Variants in CALD1 observed in about 807,000 individuals in gnomAD.
The protein encoded by CALD1 is caldesmon.
Under a neutral mutation model 99.9 loss-of-function variants are expected in CALD1, and 33 were observed. The ratio of observed to expected loss-of-function variants is 0.33; its 90% confidence interval spans 0.25 to 0.44. The LOEUF (loss-of-function observed/expected upper bound fraction) is 0.44. Among genes scored for constraint, CALD1 ranks in the 20% least tolerant of loss-of-function variants. The pLI is 1.00. For synonymous variants in CALD1, 310 were observed against 325.0 expected (o/e 0.95, Z 0.50); for missense variants, 861 against 962.1 (o/e 0.89, Z 1.39).
intron 6 of CALD1, among the ~76,000 whole-genome samples, chr7:134,938,023 C>A (rs147645161): frequency 2.6e-5 from 4 of 152,162 alleles, no homozygotes; most frequent in Admixed American, 6.5e-5. Context: ...TCGTGTCATG[C>A]GGATCAATCC....
intron 1 of CALD1, among the ~76,000 whole-genome samples, chr7:134,840,500 A>G (rs932167844): frequency 6.6e-6 from 1 of 152,194 alleles, no homozygotes; most frequent in Non-Finnish European, 1.5e-5. Flanking sequence ...TATTATCCAG[A>G]GTTTCTAGTT....
intron 1 of CALD1, among the ~76,000 whole-genome samples, chr7:134,773,302 T>C (rs1796890898): frequency 6.6e-6 from 1 of 150,874 alleles, no homozygotes; most frequent in African/African-American, 2.4e-5. Flanking sequence ...CAGGACAAGA[T>C]CTACCTCTGT....
chr7:134,764,273 TC>T (rs1230268698), intron 1 of CALD1, among the ~76,000 whole-genome samples: 1 of 152,212 alleles, frequency 6.6e-6, no homozygotes, highest in Admixed American at 6.5e-5. Flanking sequence ...CAGATTTGGT[TC>T]TGGGTTTGTG....
intron 3 of CALD1, among the ~76,000 whole-genome samples, chr7:134,918,492 C>T (rs1376555797): frequency 6.6e-6 from 1 of 152,136 alleles, no homozygotes; most frequent in Non-Finnish European, 1.5e-5. Flanking sequence ...GAAAAATATG[C>T]TGTTTAGGGA....
Position 134,751,797 on chromosome 7 carries a change from G to A in CALD1, c.-130+7434G>A, listed in dbSNP as rs138304909. 8.9e-4 allele frequency among the ~76,000 whole-genome samples: 136 copies of A among 152,212 alleles called. No individual in the cohort carries two copies. The East Asian group carries it at 0.022, about 25-fold the overall frequency. On this transcript the variant is annotated intron_variant, in intron 1 of 13. Coordinates refer to the CALD1 transcript ENST00000417172. ...TTGAGACAAGCCTGGGCAACATGGCGAAACCCTATCTCTACCAAAAATACA... is the reference window on the plus strand; with the variant it reads ...TTGAGACAAGCCTGGGCAACATGGCAAAACCCTATCTCTACCAAAAATACA...
At chr7:134,822,852 A>G (rs1798836470) in intron 1 of CALD1, among the ~76,000 whole-genome samples, 1 of 152,140 alleles carries the variant, frequency 6.6e-6, no homozygotes, top group South Asian at 2.1e-4. Context: ...AGTTGCCTCT[A>G]TCTCCCTGGC....
At chr7:134,936,538 G>GT (rs1005518777) in intron 6 of CALD1, among the ~76,000 whole-genome samples, 2 of 152,226 alleles carry the variant, frequency 1.3e-5, no homozygotes, top group Non-Finnish European at 2.9e-5. Context: ...GAAGTAGGAA[G>GT]ACCCGAAGTT....
At chr7:134,927,346 G>A (rs769267843) in intron 3 of CALD1, among the ~76,000 whole-genome samples, 4 of 151,550 alleles carry the variant, frequency 2.6e-5, no homozygotes, top group South Asian at 2.1e-4. Flanking sequence ...TCAGGAGCTC[G>A]AGACCATCCT....
intron 14 of CALD1, 107 bp downstream of exon 14, chr7:134,965,493 G>A (rs1046352607): frequency 5.6e-6 from 4 of 710,100 alleles, no homozygotes; most frequent in Non-Finnish European, 1.0e-5. Context: ...ACAGATCTTT[G>A]CCTGCACACC....
At chr7:134,812,033 G>A (rs1480912677) in intron 1 of CALD1, among the ~76,000 whole-genome samples, 2 of 152,098 alleles carry the variant, frequency 1.3e-5, no homozygotes, top group Admixed American at 6.6e-5. Flanking sequence ...ATATCCACTC[G>A]GCATCTTGGC....
chr7:134,941,864 C>G (rs1176827474), intron 7 of CALD1, among the ~76,000 whole-genome samples: 1 of 152,114 alleles, frequency 6.6e-6, no homozygotes, highest in Non-Finnish European at 1.5e-5. Context: ...ATAGCTTGAG[C>G]TTTCCCCTCA....
At chr7:134,889,548 G>A (rs903778205) in intron 3 of CALD1, among the ~76,000 whole-genome samples, 3 of 152,290 alleles carry the variant, frequency 2.0e-5, no homozygotes, top group African/African-American at 4.8e-5. Context: ...TGCGGGAAAC[G>A]TTATTCCACC....
intron 2 of CALD1, among the ~76,000 whole-genome samples, chr7:134,865,485 T>C (rs565895526): frequency 1.1e-4 from 17 of 152,118 alleles, no homozygotes; most frequent in African/African-American, 4.1e-4. Flanking sequence ...TGGCACACGC[T>C]CTCTCTCTCC....
At chr7:134,868,056 C>A in intron 3 of CALD1, 1 of 256,466 alleles carries the variant, frequency 3.9e-6, no homozygotes, top group Non-Finnish European at 7.5e-6. Context: ...TGCATTTAAT[C>A]AATACCTTTC....
chr7:134,890,019 C>T (rs1280043087), intron 3 of CALD1, among the ~76,000 whole-genome samples: 5 of 152,142 alleles, frequency 3.3e-5, no homozygotes, highest in African/African-American at 1.2e-4. Context: ...AGCAATTCTC[C>T]TGCCGCAGCC....
intron 1 of CALD1, among the ~76,000 whole-genome samples, chr7:134,770,424 G>A (rs1796867675): frequency 6.6e-6 from 1 of 152,104 alleles, no homozygotes; most frequent in South Asian, 2.1e-4. Flanking sequence ...CAGGGTCGTT[G>A]GCTTTTTCTG....
chr7:134,791,339 G>C (rs972002535), intron 1 of CALD1, among the ~76,000 whole-genome samples: 6 of 152,134 alleles, frequency 3.9e-5, no homozygotes, highest in African/African-American at 1.4e-4. Flanking sequence ...TGGGATTATA[G>C]GCACACGCCA....
At chr7:134,853,702 ATTTT>A (rs1453373931) in intron 2 of CALD1, among the ~76,000 whole-genome samples, 3 of 152,116 alleles carry the variant, frequency 2.0e-5, no homozygotes, top group African/African-American at 7.2e-5. Flanking sequence ...CATTTATTGA[ATTTT>A]TTATTTATTT....
chr7:134,820,331 T>C (rs1298438712), intron 1 of CALD1, among the ~76,000 whole-genome samples: 1 of 152,194 alleles, frequency 6.6e-6, no homozygotes, highest in Non-Finnish European at 1.5e-5. Flanking sequence ...GTTTCCATGG[T>C]AAAATATTCA....
Sources: gnomAD v4.1 joint callset for allele counts (sites outside exome capture counted in the v4.1 genomes callset) on GRCh38, gnomAD v4.1.1 for gene constraint, MANE v1.5 for transcripts, NCBI Gene and HGNC (gene_info 2026-07-23, HGNC 2026-07-21) for gene names.